Variants in SNX27 observed in about 807,000 individuals in gnomAD.
SNX27 encodes sorting nexin 27.
SNX27 carries 22 observed loss-of-function variants against 71.6 expected under a neutral mutation model. The observed-to-expected ratio is 0.31, with a 90% CI of 0.22 to 0.44. The LOEUF is 0.44. SNX27 is among the 20% of genes least tolerant of loss of function. The pLI, the probability that SNX27 is intolerant of heterozygous loss-of-function variation, is 1.00. For missense variants in SNX27, 531 were observed against 698.6 expected (o/e 0.76, Z 2.70); for synonymous variants, 269 against 277.2 (o/e 0.97, Z 0.29).
intron 1 of SNX27, among the ~76,000 whole-genome samples, chr1:151,634,579 T>C (rs1382115582): frequency 1.3e-5 from 2 of 152,206 alleles, no homozygotes; most frequent in Non-Finnish European, 2.9e-5. Flanking sequence ...CCTCTCTCTA[T>C]TGGGGCCAAA....
intron 7 of SNX27, among the ~76,000 whole-genome samples, chr1:151,669,950 G>A (rs1385014524): frequency 6.6e-6 from 1 of 151,928 alleles, no homozygotes; most frequent in African/African-American, 2.4e-5. Flanking sequence ...ATTGACTATA[G>A]TCACCCTATT....
intron 1 of SNX27, among the ~76,000 whole-genome samples, chr1:151,618,209 G>C (rs1224439574): frequency 2.6e-5 from 4 of 151,820 alleles, no homozygotes; most frequent in Non-Finnish European, 5.9e-5. Context: ...GTTGAACTTT[G>C]GTTCTACTAT....
chr1:151,688,796 C>T (rs1020994810), intron 8 of SNX27, among the ~76,000 whole-genome samples: 4 of 152,010 alleles, frequency 2.6e-5, no homozygotes, highest in African/African-American at 9.7e-5. Context: ...AGGTAGTAAG[C>T]ATGATACTAC....
intron 7 of SNX27, among the ~76,000 whole-genome samples, chr1:151,674,091 A>G (rs1195905412): frequency 1.3e-5 from 2 of 151,642 alleles, no homozygotes; most frequent in Non-Finnish European, 2.9e-5. Context: ...TACTTGTTTT[A>G]TGGTCGTTTT....
At chr1:151,663,522 G>A (rs1553261442) in intron 5 of SNX27, among the ~76,000 whole-genome samples, 1 of 151,552 alleles carries the variant, frequency 6.6e-6, no homozygotes, top group Non-Finnish European at 1.5e-5. Flanking sequence ...TCATGCCATT[G>A]TTTTGTTGCA....
chr1:151,646,876 G>GAC (rs1402983901), intron 2 of SNX27, among the ~76,000 whole-genome samples: 8 of 39,014 alleles, frequency 2.1e-4, no homozygotes, highest in Admixed American at 3.9e-4. Flanking sequence ...GCCCAGGCTG[G>GAC]ACACAGACAC....
At chr1:151,690,323 C>G (rs553078823) in intron 8 of SNX27, among the ~76,000 whole-genome samples, 39 of 152,302 alleles carry the variant, frequency 2.6e-4, no homozygotes, top group African/African-American at 9.4e-4. Context: ...CTGTCACTGA[C>G]TTGAAGCTCA....
At chr1:151,646,561 C>A (rs1669041334) in intron 2 of SNX27, among the ~76,000 whole-genome samples, 1 of 148,688 alleles carries the variant, frequency 6.7e-6, no homozygotes, top group South Asian at 2.1e-4. Context: ...TGAACATTTA[C>A]CTTCAAATTA....
chr1:151,638,625 C>T (rs1452007655), intron 1 of SNX27, among the ~76,000 whole-genome samples: 4 of 152,132 alleles, frequency 2.6e-5, no homozygotes, highest in Admixed American at 2.6e-4. Flanking sequence ...TTTCCATGTG[C>T]GTTCCTGAAG....
intron 2 of SNX27, among the ~76,000 whole-genome samples, chr1:151,639,537 T>C (rs1019685913): frequency 3.3e-5 from 5 of 152,340 alleles, no homozygotes; most frequent in African/African-American, 1.2e-4. Flanking sequence ...ATTTGGGTAA[T>C]AGAGAGGTTC....
chr1:151,693,976 C>T, intron 11 of SNX27: 1 of 1,236,726 alleles, frequency 8.1e-7, no homozygotes, highest in Non-Finnish European at 1.0e-6. Flanking sequence ...TAATTAGTTA[C>T]TTATTCTCAA....
intron 8 of SNX27, among the ~76,000 whole-genome samples, chr1:151,691,761 G>T (rs546790112): frequency 3.3e-5 from 5 of 152,142 alleles, no homozygotes; most frequent in African/African-American, 9.6e-5. Flanking sequence ...TGATCCACCC[G>T]CCTCGGCCTC....
At chr1:151,651,274 G>A (rs1248402372) in intron 2 of SNX27, among the ~76,000 whole-genome samples, 1 of 150,870 alleles carries the variant, frequency 6.6e-6, no homozygotes, top group African/African-American at 2.4e-5. Flanking sequence ...CTGGCCTGGC[G>A]GGAGGCTGAC....
At chr1:151,690,868 T>C (rs1220441078) in intron 8 of SNX27, among the ~76,000 whole-genome samples, 2 of 152,198 alleles carry the variant, frequency 1.3e-5, no homozygotes, top group South Asian at 2.1e-4. Context: ...TTAAAGTAGC[T>C]TGCGCAAGGT....
In SNX27 at chr1:151,612,500, G is replaced by A. The variant is rs781261093; in HGVS notation, c.299G>A (p.Arg100His). 16 of 1,386,766 alleles carry A rather than the reference G, an allele frequency of 1.2e-5. No individual in the cohort carries two copies. The highest frequency in any genetic ancestry group is 1.2e-5 in the Non-Finnish European group (13 of 1,073,516). 85.9% of individuals were successfully genotyped at this position (1,386,766 alleles called of 1,614,324 possible). Residue 100 changes from arginine to histidine, a missense_variant, in exon 1 of 12, where the codon CGC becomes CAC. Around this residue, in one of 5 missense-constraint regions of SNX27, gnomAD observed 13 missense variants for 45.6 expected, o/e 0.28. Transcript: ENST00000458013. This position sits in a 1 kb window ranked among gnomAD's most constrained non-coding sequence, Gnocchi z 5.2. ...CGGGCCGGGGTGCGCAAGGGGGACC[G>A]CATCCTGGAGGTGTGAGTATCGGGG... ...ADRAGVRKGD[R>H]ILEVNHVNVE...
Position 151,613,640 on chromosome 1 carries a change from C to A in SNX27, c.311+1128C>A, listed in dbSNP as rs1410362641. Among the ~76,000 whole-genome samples the A allele has an allele frequency of 3.3e-5, 5 of 151,862 alleles. No individual in the cohort carries two copies. The East Asian group carries it at 9.7e-4, about 29-fold the overall frequency. On this transcript the variant is annotated intron_variant, in intron 1 of 11. Transcript: ENST00000458013. ...CTGCTGCAGTCCCTCCCCCTTCATA[C>A]GCCTCCCCCACCACATCCCTCCATG...
At chr1:151,663,382 C>T (rs1670052152) in intron 5 of SNX27, among the ~76,000 whole-genome samples, 1 of 151,910 alleles carries the variant, frequency 6.6e-6, no homozygotes, top group East Asian at 1.9e-4. Context: ...AATCTCCTGA[C>T]CTCATGATCC....
chr1:151,652,653 C>T (rs1669469586), intron 2 of SNX27, among the ~76,000 whole-genome samples: 1 of 151,976 alleles, frequency 6.6e-6, no homozygotes, highest in Non-Finnish European at 1.5e-5. Context: ...CGTTGTGATC[C>T]ACCCGCCTCG....
chr1:151,674,700 T>C (rs1180351803), intron 7 of SNX27, among the ~76,000 whole-genome samples: 1 of 152,018 alleles, frequency 6.6e-6, no homozygotes, highest in Admixed American at 6.6e-5. Context: ...TTCTTTTTTT[T>C]TTTTTGAGAC....
Sources: gnomAD v4.1 joint callset for allele counts (sites outside exome capture counted in the v4.1 genomes callset) on GRCh38, gnomAD v4.1.1 for gene constraint, gnomAD v4.1.1 regional missense constraint, Gnocchi (gnomAD v3.1) non-coding constraint, MANE v1.5 for transcripts, NCBI Gene and HGNC (gene_info 2026-07-23, HGNC 2026-07-21) for gene names.